Variants in LPP observed in about 807,000 individuals in gnomAD.
The protein encoded by LPP is LIM domain containing preferred translocation partner in lipoma.
Under a neutral mutation model 60.4 loss-of-function variants are expected in LPP, and 38 were observed. That is an observed-to-expected ratio of 0.63 (90% CI 0.49 to 0.83). The LOEUF is 0.83. Among genes scored for constraint, LPP ranks in the 40% least tolerant of loss-of-function variants. The pLI, the probability that LPP is intolerant of heterozygous loss-of-function variation, is 0.00. For synonymous variants in LPP, 328 were observed against 290.8 expected, an observed-to-expected ratio of 1.13 and a Z score of -1.30; for missense variants, 902 against 783.6, an observed-to-expected ratio of 1.15 and a Z score of -1.80.
chr3:188,248,411 T>C (rs944935691), intron 2 of LPP, among the ~76,000 whole-genome samples: 7 of 147,750 alleles, frequency 4.7e-5, no homozygotes, highest in African/African-American at 1.8e-4. Context: ...AACTGACCTT[T>C]GTATTTTAAT....
chr3:188,406,568 T>A (rs1783546853), intron 4 of LPP, among the ~76,000 whole-genome samples: 1 of 152,214 alleles, frequency 6.6e-6, no homozygotes, highest in Non-Finnish European at 1.5e-5. Context: ...AAACCTGGCC[T>A]CTTTAGTCAC....
At chr3:188,687,978 C>A (rs903201900) in intron 7 of LPP, among the ~76,000 whole-genome samples, 4 of 151,968 alleles carry the variant, frequency 2.6e-5, no homozygotes, top group Admixed American at 2.6e-4. Context: ...GGTTTCACCA[C>A]GTTATCTTAT....
chr3:188,593,153 G>GGTGTGTGTGTGT (rs10678737), intron 6 of LPP, among the ~76,000 whole-genome samples: 37 of 148,510 alleles, frequency 2.5e-4, no homozygotes, highest in Non-Finnish European at 3.7e-4. Context: ...TCTGATGCCT[G>GGTGTGTGTGTGT]GTGTGTGTGT....
intron 8 of LPP, among the ~76,000 whole-genome samples, chr3:188,745,062 GT>G (rs1382760097): frequency 6.6e-6 from 1 of 151,846 alleles, no homozygotes; most frequent in Non-Finnish European, 1.5e-5. Flanking sequence ...TTTTTCTAAA[GT>G]TTTTTCTTAT....
intron 3 of LPP, among the ~76,000 whole-genome samples, chr3:188,349,726 A>G (rs546530864): frequency 4.7e-4 from 72 of 152,352 alleles, no homozygotes; most frequent in African/African-American, 1.6e-3. Context: ...TGTCTATACA[A>G]CATTTTACCA....
chr3:188,853,790 A>G (rs1366948867), intron 9 of LPP, among the ~76,000 whole-genome samples: 2 of 151,908 alleles, frequency 1.3e-5, no homozygotes, highest in Non-Finnish European at 2.9e-5. Flanking sequence ...CTTAAACTGA[A>G]CACAGACTCC....
At chr3:188,331,958 T>C (rs1760202664) in intron 2 of LPP, among the ~76,000 whole-genome samples, 1 of 152,222 alleles carries the variant, frequency 6.6e-6, no homozygotes, top group Non-Finnish European at 1.5e-5. Context: ...CTAAAATATA[T>C]TATGTTTAGC....
At chr3:188,708,129 T>G (rs899872014) in intron 7 of LPP, 138 bp from the exon 8 acceptor site, 20 of 871,206 alleles carry the variant, frequency 2.3e-5, no homozygotes, top group Non-Finnish European at 3.5e-5. Context: ...GTGATAAAAC[T>G]AATTCTAAAA....
intron 2 of LPP, among the ~76,000 whole-genome samples, chr3:188,309,995 T>A (rs1221893774): frequency 6.6e-6 from 1 of 151,818 alleles, no homozygotes; most frequent in Non-Finnish European, 1.5e-5. Flanking sequence ...GAATTGATAA[T>A]ACCCATAACA....
At chr3:188,740,328 T>G (rs1469076202) in intron 8 of LPP, among the ~76,000 whole-genome samples, 2 of 152,110 alleles carry the variant, frequency 1.3e-5, no homozygotes, top group African/African-American at 4.8e-5. Context: ...TCTAACATTT[T>G]AGGACTGCAA....
chr3:188,530,427 G>C (rs530485340), intron 6 of LPP, among the ~76,000 whole-genome samples: 1 of 152,304 alleles, frequency 6.6e-6, no homozygotes, highest in South Asian at 2.1e-4. Context: ...GATGTGAAAA[G>C]TTCAGAGGTG....
chr3:188,564,020 G>A (rs1325750455), intron 6 of LPP, among the ~76,000 whole-genome samples: 1 of 151,906 alleles, frequency 6.6e-6, no homozygotes, highest in African/African-American at 2.4e-5. Context: ...ACGACTCTTC[G>A]CTGAGATAGA....
At chr3:188,176,774 T>A (rs1481251963) in intron 1 of LPP, among the ~76,000 whole-genome samples, 1 of 152,210 alleles carries the variant, frequency 6.6e-6, no homozygotes, top group Non-Finnish European at 1.5e-5. Flanking sequence ...GCCCTTAGTG[T>A]ACACATTACT....
intron 9 of LPP, among the ~76,000 whole-genome samples, chr3:188,854,656 G>C (rs555868326): frequency 1.3e-5 from 2 of 152,346 alleles, no homozygotes; most frequent in Non-Finnish European, 2.9e-5. Context: ...CCACTCCCAG[G>C]AGTTATAGGC....
intron 7 of LPP, among the ~76,000 whole-genome samples, chr3:188,706,228 AC>A (rs1865452145): frequency 6.6e-6 from 1 of 152,206 alleles, no homozygotes; most frequent in Admixed American, 6.5e-5. Flanking sequence ...CTTTATCAAA[AC>A]TAGCCCTCCC....
At chr3:188,869,501 G>A (rs1273249485) in intron 10 of LPP, among the ~76,000 whole-genome samples, 1 of 152,162 alleles carries the variant, frequency 6.6e-6, no homozygotes, top group African/African-American at 2.4e-5. Context: ...ATGTTGGCCA[G>A]GCTGGTCTTG....
rs557020910 is a variant in LPP at position 188,577,121 on chromosome 3, A to G, written c.430-32040A>G. On this transcript the variant is annotated intron_variant, in intron 6 of 11. Coordinates refer to ENST00000617246, the MANE Select transcript of LPP (RefSeq NM_001375462.1). ...TAAGACAGTAGCTGTTTTTAAGATC[A>G]CTGAGCTCTCAAACACTGGCTTTTT... Among the ~76,000 whole-genome samples, 8 of 152,296 alleles carry G rather than the reference A, an allele frequency of 5.3e-5. No homozygotes were observed. The East Asian group carries it at 1.5e-3, about 29-fold the overall frequency.
At chr3:188,676,113 GA>G (rs748519200) in intron 7 of LPP, among the ~76,000 whole-genome samples, 18 of 152,104 alleles carry the variant, frequency 1.2e-4, no homozygotes, top group Non-Finnish European at 2.5e-4. Context: ...TTAGAAAAGT[GA>G]AAACGTTTTT....
At chr3:188,405,607 T>C (rs972338) in intron 3 of LPP, among the ~76,000 whole-genome samples, 129,058 of 151,986 alleles carry the variant, frequency 0.85, 55,607 homozygotes, top group Non-Finnish European at 0.92. Flanking sequence ...CCTATCTTTT[T>C]CTGCATCTCA....
Sources: allele counts gnomAD v4.1 joint callset (sites outside exome capture counted in the v4.1 genomes callset), GRCh38; gene constraint gnomAD v4.1.1; transcripts MANE v1.5; gene names NCBI Gene and HGNC (gene_info 2026-07-23, HGNC 2026-07-21).